The following ERG variants were observed in gnomAD, a reference collection of about 807,000 sequenced individuals.
ERG encodes ETS transcription factor ERG, also known as transcriptional regulator ERG.
Under a neutral mutation model 55.3 loss-of-function variants are expected in ERG, and 9 were observed. The observed-to-expected ratio is 0.16, with a 90% CI of 0.10 to 0.28. ERG has a LOEUF of 0.28. ERG is among the 10% of genes least tolerant of loss of function. The pLI is 1.00. For synonymous variants in ERG, 223 were observed against 237.3 expected, an observed-to-expected ratio of 0.94 and a Z score of 0.55; for missense variants, 434 against 631.6, an observed-to-expected ratio of 0.69 and a Z score of 3.35.
At chr21:38,411,735 G>GAA (rs972357640) in intron 3 of ERG, among the ~76,000 whole-genome samples, 1 of 151,824 alleles carries the variant, frequency 6.6e-6, no homozygotes, top group African/African-American at 2.4e-5. Flanking sequence ...CAGAGTTCTA[G>GAA]AAAAAAAACT....
At chr21:38,391,797 T>C in intron 7 of ERG, 82 bp from the exon 8 acceptor site, 1 of 1,153,804 alleles carries the variant, frequency 8.7e-7, no homozygotes, top group Non-Finnish European at 1.3e-6. Flanking sequence ...AATCATTCTA[T>C]CAGTTAATTT....
chr21:38,545,304 G>C (rs2059781191), intron 2 of ERG, among the ~76,000 whole-genome samples: 1 of 152,248 alleles, frequency 6.6e-6, no homozygotes, highest in South Asian at 2.1e-4. Flanking sequence ...CCACTCTTGG[G>C]ATTTCTCAAT....
At chr21:38,613,824 A>T (rs1568950296) in intron 1 of ERG, among the ~76,000 whole-genome samples, 1 of 151,564 alleles carries the variant, frequency 6.6e-6, no homozygotes, top group Non-Finnish European at 1.5e-5. Flanking sequence ...CTAGAAGGGG[A>T]CCCCCCCAAT....
At chr21:38,655,200 C>G (rs1308178132) in intron 1 of ERG, among the ~76,000 whole-genome samples, 2 of 152,096 alleles carry the variant, frequency 1.3e-5, no homozygotes, top group Non-Finnish European at 1.5e-5. Flanking sequence ...AAAGTTTCCC[C>G]TTCCTAAGTA....
chr21:38,424,187 G>GCT (rs1227355474), intron 2 of ERG, among the ~76,000 whole-genome samples: 19,374 of 110,002 alleles, frequency 0.18, 1,793 homozygotes, highest in Middle Eastern at 0.29. Flanking sequence ...CAGAGCTCGA[G>GCT]CTCTCTCTCT....
rs1227618388 is a variant in ERG, at chr21:38,423,524, T to C, written c.274A>G (p.Lys92Glu). 2.5e-6 allele frequency: 4 copies of C among 1,613,956 alleles called. No individual in the cohort carries two copies. The highest frequency in any genetic ancestry group is 8.5e-7 in the Non-Finnish European group (1 of 1,179,954). Residue 92 changes from lysine (K) to glutamate (E), a missense_variant, in exon 3 of 10, where the codon AAG (lysine) becomes GAG (glutamate). This residue lies in a region of ERG where 212 missense variants were observed against 262.9 expected (regional missense o/e 0.81). Coordinates refer to ENST00000288319, the MANE Select transcript of ERG (RefSeq NM_182918.4). The part of the protein sequence containing the change: ...PDECSVAKGG[K>E]MVGSPDTVGM... ...ACGGTGTCTGGGCTGCCCACCATCT[T>C]CCCGCCTTTGGCCACACTGCATTCA...
At chr21:38,507,015 C>A (rs1275228119) in intron 2 of ERG, among the ~76,000 whole-genome samples, 1 of 152,050 alleles carries the variant, frequency 6.6e-6, no homozygotes, top group Non-Finnish European at 1.5e-5. Context: ...TGGGAGGAGG[C>A]CCGGACCCTG....
chr21:38,633,957 G>T (rs1180331762), intron 1 of ERG, among the ~76,000 whole-genome samples: 1 of 151,748 alleles, frequency 6.6e-6, no homozygotes, highest in Non-Finnish European at 1.5e-5. Context: ...GAACCATAAG[G>T]TTCAGATCAC....
intron 1 of ERG, among the ~76,000 whole-genome samples, chr21:38,612,235 A>G (rs191928450): frequency 6.6e-6 from 1 of 152,286 alleles, no homozygotes; most frequent in Non-Finnish European, 1.5e-5. Context: ...GGACCTTCAC[A>G]TTTTCCTCAA....
chr21:38,524,869 A>C (rs1418776969), intron 2 of ERG, among the ~76,000 whole-genome samples: 3 of 152,248 alleles, frequency 2.0e-5, no homozygotes, highest in Non-Finnish European at 4.4e-5. Context: ...TTGGTGAGCA[A>C]ATAACTTCTG....
At chr21:38,388,952 G>T (rs924480202) in intron 9 of ERG, among the ~76,000 whole-genome samples, 2 of 152,216 alleles carry the variant, frequency 1.3e-5, no homozygotes, top group African/African-American at 2.4e-5. Context: ...CCTTTGGGCT[G>T]TGACAACGTG....
intron 2 of ERG, among the ~76,000 whole-genome samples, chr21:38,552,758 T>C (rs866195676): frequency 3.3e-5 from 5 of 150,520 alleles, no homozygotes; most frequent in African/African-American, 4.9e-5. Flanking sequence ...GCATTCCCCA[T>C]GAGAATTGAA....
chr21:38,588,954 C>G (rs2060083642), upstream of ERG, among the ~76,000 whole-genome samples: 1 of 152,120 alleles, frequency 6.6e-6, no homozygotes, highest in Non-Finnish European at 1.5e-5. Context: ...CAATCTCGAA[C>G]TCCTGGCCTC....
intron 1 of ERG, among the ~76,000 whole-genome samples, chr21:38,610,315 G>A (rs886572325): frequency 1.1e-4 from 17 of 152,176 alleles, no homozygotes; most frequent in Non-Finnish European, 2.5e-4. Flanking sequence ...TGGGTTCAAG[G>A]GTGGTGGATG....
rs542444795 is a variant in ERG, at chr21:38,603,808, C to G, written c.-149-18863G>C. Among the ~76,000 whole-genome samples the G allele has an allele frequency of 2.0e-5, 3 of 152,130 alleles. No individual in the cohort carries two copies. In the South Asian group the frequency reaches 6.2e-4, roughly 31 times the overall value. ...AAATTAACATAACTGAAGTCACATT[C>G]TTTTGAAACTATGTCCTCAGATTTT... On this transcript the variant is annotated intron_variant, in intron 1 of 10. Transcript: ENST00000398910.
rs549176581 is a variant in ERG at position 38,429,695 on chromosome 21, A to G, written c.237-6134T>C. Among the ~76,000 whole-genome samples the G allele has an allele frequency of 2.8e-5, 4 of 141,420 alleles. 1 individual carries two copies. Among genetic ancestry groups the G allele is most frequent in the East Asian group, 4.2e-4 (2 of 4,726 alleles). The allele number at this position is 141,420 out of a possible 152,430, so 92.8% of individuals were successfully genotyped here. ...TGTATATATGTATATATGTGTGTAT[A>G]CATGTATATGTGTGTGCATATATGT... On this transcript the variant is annotated intron_variant, in intron 2 of 9. Transcript: ENST00000288319.
chr21:38,572,447 G>C (rs1388016524), intron 2 of ERG, among the ~76,000 whole-genome samples: 1 of 150,094 alleles, frequency 6.7e-6, no homozygotes, highest in Non-Finnish European at 1.5e-5. Context: ...GAAACTTCTC[G>C]CACATGAAAT....
At chr21:38,543,009 C>G (rs1269366148) in intron 2 of ERG, among the ~76,000 whole-genome samples, 2 of 152,152 alleles carry the variant, frequency 1.3e-5, no homozygotes, top group African/African-American at 4.8e-5. Context: ...ATGTCAAGCT[C>G]TGTTCTTCAA....
At chr21:38,496,901 A>G (rs772614653) in intron 1 of ERG, among the ~76,000 whole-genome samples, 6 of 152,232 alleles carry the variant, frequency 3.9e-5, no homozygotes, top group Non-Finnish European at 8.8e-5. Flanking sequence ...CAAGATTTAC[A>G]CAGAATATTT....
Sources: gnomAD v4.1 joint callset for allele counts (sites outside exome capture counted in the v4.1 genomes callset) on GRCh38, gnomAD v4.1.1 for gene constraint, gnomAD v4.1.1 regional missense constraint, MANE v1.5 for transcripts, NCBI Gene and HGNC (gene_info 2026-07-23, HGNC 2026-07-21) for gene names.